DNAJC6: variants seen among roughly 807,000 people sequenced by gnomAD.
DNAJC6 encodes the protein DnaJ heat shock protein family (Hsp40) member C6.
DNAJC6 carries 34 observed loss-of-function variants against 110.0 expected under a neutral mutation model. The ratio of observed to expected loss-of-function variants is 0.31; its 90% CI spans 0.24 to 0.41. The LOEUF is 0.41. Ranked by LOEUF, DNAJC6 falls within the 10% of genes least tolerant of loss-of-function variation. The pLI, the probability that DNAJC6 is intolerant of heterozygous loss-of-function variation, is 1.00. For synonymous variants in DNAJC6, 406 were observed against 437.2 expected, an observed-to-expected ratio of 0.93 and a Z score of 0.89; for missense variants, 1,031 against 1,207.8, an observed-to-expected ratio of 0.85 and a Z score of 2.17.
intron 1 of DNAJC6, among the ~76,000 whole-genome samples, chr1:65,357,573 T>C (rs1645555322): frequency 6.6e-6 from 1 of 152,294 alleles, no homozygotes; most frequent in Non-Finnish European, 1.5e-5. Flanking sequence ...TGAGTATTGA[T>C]GCTGGAGCTG....
chr1:65,389,010 C>G (rs1448302661), intron 9 of DNAJC6, among the ~76,000 whole-genome samples: 1 of 152,188 alleles, frequency 6.6e-6, no homozygotes, highest in African/African-American at 2.4e-5. Flanking sequence ...ATCAGCCCTG[C>G]TTTCCAGAAT....
At chr1:65,339,998 A>G (rs539875917) in intron 1 of DNAJC6, among the ~76,000 whole-genome samples, 1 of 152,216 alleles carries the variant, frequency 6.6e-6, no homozygotes, top group Non-Finnish European at 1.5e-5. Flanking sequence ...TTTAATACTC[A>G]CATTATATAG....
At chr1:65,356,243 A>T (rs1297460891) in intron 1 of DNAJC6, among the ~76,000 whole-genome samples, 1 of 152,096 alleles carries the variant, frequency 6.6e-6, no homozygotes, top group Admixed American at 6.6e-5. Flanking sequence ...ATTCCTTGGA[A>T]TCATGTACTA....
At chr1:65,341,465 G>A (rs556028921) in intron 1 of DNAJC6, among the ~76,000 whole-genome samples, 1 of 152,246 alleles carries the variant, frequency 6.6e-6, no homozygotes, top group South Asian at 2.1e-4. Context: ...ATCTAAAAAG[G>A]CAGCAGAGGA....
intron 1 of DNAJC6, among the ~76,000 whole-genome samples, chr1:65,346,217 A>G (rs1645435401): frequency 6.6e-6 from 1 of 152,160 alleles, no homozygotes; most frequent in Non-Finnish European, 1.5e-5. Context: ...CAATTTTCTG[A>G]TAATTTAGAT....
intron 1 of DNAJC6, among the ~76,000 whole-genome samples, chr1:65,320,004 T>C (rs1385010183): frequency 6.6e-6 from 1 of 152,186 alleles, no homozygotes; most frequent in Non-Finnish European, 1.5e-5. Flanking sequence ...TGACTGTAGT[T>C]TTGGGATATG....
At position 65,398,915 on chromosome 1, in the gene DNAJC6, T is replaced by C. The variant is rs1371658200; in HGVS notation, c.2107+34T>C. ...AGGTTATTTTCTGTACACATTTATA[T>C]AATTGCAAAAGCATAATCCTTACCC... On this transcript the variant is annotated intron_variant, in intron 14 of 18. Transcript: ENST00000371069. The C allele has an allele frequency of 6.2e-6, 10 of 1,607,984 alleles. No homozygotes were observed. The African/African-American group carries it at 1.3e-4, about 22-fold the overall frequency.
At chr1:65,368,869 G>A (rs1031831049) in intron 4 of DNAJC6, among the ~76,000 whole-genome samples, 25 of 151,034 alleles carry the variant, frequency 1.7e-4, no homozygotes, top group South Asian at 2.1e-4. Flanking sequence ...TCGCCTCCTG[G>A]GTTCTGATTC....
At chr1:65,388,881 G>A (rs530071526) in intron 9 of DNAJC6, among the ~76,000 whole-genome samples, 41 of 152,256 alleles carry the variant, frequency 2.7e-4, no homozygotes, top group Middle Eastern at 6.8e-3. Context: ...AGTTGTGGGG[G>A]TGGCTAGAGC....
chr1:65,313,520 T>C (rs1268613279), intron 1 of DNAJC6, among the ~76,000 whole-genome samples: 2 of 152,218 alleles, frequency 1.3e-5, no homozygotes, highest in African/African-American at 4.8e-5. Context: ...TCAGAGGTGG[T>C]AGGAGACCTA....
intron 4 of DNAJC6, among the ~76,000 whole-genome samples, chr1:65,375,078 C>T (rs986239780): frequency 6.6e-6 from 1 of 151,804 alleles, no homozygotes; most frequent in Non-Finnish European, 1.5e-5. Context: ...GTTCTCCTGC[C>T]TCAGCCTCCC....
At chr1:65,302,104 T>TA (rs1436831897) in intron 1 of DNAJC6, among the ~76,000 whole-genome samples, 2 of 26,058 alleles carry the variant, frequency 7.7e-5, no homozygotes, top group Non-Finnish European at 1.1e-4. Context: ...ATATATAATA[T>TA]ATAATATATA....
chr1:65,387,411 C>T (rs899065674), intron 8 of DNAJC6, among the ~76,000 whole-genome samples: 1 of 152,174 alleles, frequency 6.6e-6, no homozygotes, highest in Non-Finnish European at 1.5e-5. Context: ...AGAACATTTT[C>T]ATCACTCACA....
intron 5 of DNAJC6, chr1:65,379,839 G>T: frequency 5.3e-6 from 1 of 187,690 alleles, no homozygotes; most frequent in Non-Finnish European, 1.1e-5. Context: ...ACTTTTGTGT[G>T]AATAAAGTTA....
intron 5 of DNAJC6, among the ~76,000 whole-genome samples, chr1:65,383,882 T>G (rs1645845944): frequency 6.6e-6 from 1 of 152,208 alleles, no homozygotes; most frequent in Non-Finnish European, 1.5e-5. Flanking sequence ...ACCAAGAGAC[T>G]TCAACTATTA....
In DNAJC6 at chr1:65,352,433, TGCACTA is replaced by T. The variant is rs201053761; in HGVS notation, c.194-12201_194-12196del. 8.7e-3 allele frequency among the ~76,000 whole-genome samples: 1,325 copies of T among 152,328 alleles called. 56 individuals carry two copies. The East Asian group carries it at 0.11, about 13-fold the overall frequency. On this transcript the variant is annotated intron_variant, in intron 1 of 18. Coordinates refer to ENST00000371069, the MANE Select transcript of DNAJC6 (RefSeq NM_001256864.2). ...CTTTTGATTTAGGCTAGAAGTCCAA[TGCACTA>T]TCCATTGTGCCACAGAGCCTGCCTG...
At chr1:65,268,635 C>T (rs1012854024) in intron 1 of DNAJC6, among the ~76,000 whole-genome samples, 5 of 152,108 alleles carry the variant, frequency 3.3e-5, no homozygotes, top group Non-Finnish European at 7.4e-5. Flanking sequence ...ATCTCCAAAA[C>T]CATTCACATG....
intron 4 of DNAJC6, among the ~76,000 whole-genome samples, chr1:65,374,081 A>C (rs774598256): frequency 2.6e-5 from 4 of 152,180 alleles, no homozygotes; most frequent in African/African-American, 2.4e-5. Context: ...GTCAAAGATG[A>C]ATTGGTGGTA....
chr1:65,278,559 T>A (rs1653748073), intron 1 of DNAJC6, among the ~76,000 whole-genome samples: 1 of 152,224 alleles, frequency 6.6e-6, no homozygotes, highest in Non-Finnish European at 1.5e-5. Context: ...CTGCTGGTTT[T>A]TAAACCAGTT....
Sources: gnomAD v4.1 joint callset for allele counts (sites outside exome capture counted in the v4.1 genomes callset) on GRCh38, gnomAD v4.1.1 for gene constraint, MANE v1.5 for transcripts, NCBI Gene and HGNC (gene_info 2026-07-23, HGNC 2026-07-21) for gene names.